Variants in ACER1 observed in about 807,000 individuals in gnomAD.
ACER1 encodes the protein CTB-180A7.3.
Under a neutral mutation model 24.9 loss-of-function variants are expected in ACER1, and 28 were observed. That is an observed-to-expected ratio of 1.13 (90% CI 0.83 to 1.54). The LOEUF is 1.54. ACER1 is among the 40% of genes most tolerant of loss of function. The probability of loss-of-function intolerance (pLI) is 0.00; values close to 1 mark genes in which losing one functional copy is unlikely to be tolerated. For missense variants in ACER1, 352 were observed against 349.3 expected (o/e 1.01, Z -0.06); for synonymous variants, 132 against 131.4 (o/e 1.00, Z -0.03).
the ACER1 span, among the ~76,000 whole-genome samples, chr19:6,340,351 GGAAGGAAGGAAGGAAGGAA>G: frequency 6.1e-4 from 72 of 117,382 alleles, no homozygotes; most frequent in African/African-American, 2.3e-3. Flanking sequence ...AAGGAAGGAA[GGAAGGAAGGAAGGAAGGAA>G]GGAAGAAAAA....
chr19:6,352,708 T>C, the ACER1 span, among the ~76,000 whole-genome samples: 1 of 152,266 alleles, frequency 6.6e-6, no homozygotes, highest in Non-Finnish European at 1.5e-5. Flanking sequence ...AAGTGGGTTC[T>C]GTGAATTTGA....
chr19:6,323,147 G>A (rs1277876637), intron 1 of ACER1, among the ~76,000 whole-genome samples: 15 of 151,638 alleles, frequency 9.9e-5, no homozygotes, highest in Non-Finnish European at 1.3e-4. Context: ...CAGGCAGGGC[G>A]CAGTGGTTCA....
chr19:6,344,834 T>TATTTTATTTTATTTTA, the ACER1 span, among the ~76,000 whole-genome samples: 1 of 94,510 alleles, frequency 1.1e-5, no homozygotes, highest in South Asian at 3.6e-4. Context: ...ACAATCAATT[T>TATTTTATTTTATTTTA]ATTTTATTTT....
chr19:6,347,039 A>T, the ACER1 span, among the ~76,000 whole-genome samples: 2 of 146,600 alleles, frequency 1.4e-5, no homozygotes, highest in Non-Finnish European at 3.0e-5. Context: ...AGGAGGGAGT[A>T]TCGCTTGAGG....
At chr19:6,312,868 G>A (rs930399676) in intron 1 of ACER1, among the ~76,000 whole-genome samples, 1 of 151,780 alleles carries the variant, frequency 6.6e-6, no homozygotes, top group South Asian at 2.1e-4. Context: ...GTAGAGACAG[G>A]GTTTCACCAT....
At chr19:6,312,667 CT>C (rs35762850) in intron 1 of ACER1, among the ~76,000 whole-genome samples, 168 bp from the exon 2 acceptor site, 24,483 of 132,356 alleles carry the variant, frequency 0.18, 2,335 homozygotes, top group East Asian at 0.25. Flanking sequence ...TCAGCCGACC[CT>C]TTTTTTTTTT....
intron 1 of ACER1, among the ~76,000 whole-genome samples, chr19:6,313,897 G>A (rs1194402524): frequency 1.3e-5 from 2 of 152,164 alleles, no homozygotes; most frequent in Admixed American, 1.3e-4. Flanking sequence ...ACCACACTGA[G>A]ATGGAGAGAG....
chr19:6,307,618 T>TAAAA (rs575533649), intron 4 of ACER1, among the ~76,000 whole-genome samples: 2 of 127,494 alleles, frequency 1.6e-5, no homozygotes, highest in Non-Finnish European at 3.4e-5. Context: ...ACCCCATCTC[T>TAAAA]AAAAAAAAAA....
At chr19:6,340,287 A>T in the ACER1 span, among the ~76,000 whole-genome samples, 1 of 130,552 alleles carries the variant, frequency 7.7e-6, no homozygotes, top group African/African-American at 3.0e-5. Flanking sequence ...CTCCAAAAAA[A>T]GAAAGAAGGA....
At chr19:6,313,762 T>A (rs1355863447) in intron 1 of ACER1, among the ~76,000 whole-genome samples, 1 of 152,074 alleles carries the variant, frequency 6.6e-6, no homozygotes, top group Non-Finnish European at 1.5e-5. Flanking sequence ...TGAGGTTAGG[T>A]CATAAAAGGA....
the ACER1 span, among the ~76,000 whole-genome samples, chr19:6,359,565 G>A: frequency 7.9e-5 from 12 of 151,630 alleles, no homozygotes; most frequent in African/African-American, 2.9e-4. Context: ...TGATCCACAT[G>A]TCTTGGGCTC....
At chr19:6,356,722 T>TAA in the ACER1 span, among the ~76,000 whole-genome samples, 5 of 141,804 alleles carry the variant, frequency 3.5e-5, no homozygotes, top group African/African-American at 1.0e-4. Context: ...ATACTGCATG[T>TAA]AAAAAAAAAA....
At chr19:6,322,832 C>A (rs546463980) in intron 1 of ACER1, among the ~76,000 whole-genome samples, 3 of 152,094 alleles carry the variant, frequency 2.0e-5, no homozygotes, top group Non-Finnish European at 2.9e-5. Context: ...GAGTTTCAGC[C>A]GGGCGTGGTG....
intron 1 of ACER1, among the ~76,000 whole-genome samples, chr19:6,314,863 A>G (rs1326602183): frequency 6.7e-6 from 1 of 149,778 alleles, no homozygotes; most frequent in Admixed American, 6.6e-5. Flanking sequence ...GTATATATAC[A>G]CAATGGAATT....
intron 1 of ACER1, among the ~76,000 whole-genome samples, chr19:6,319,840 A>G (rs1005914651): frequency 2.0e-5 from 3 of 152,116 alleles, no homozygotes; most frequent in Admixed American, 6.6e-5. Flanking sequence ...GGCCAGGCGC[A>G]GTGGCTCATG....
intron 1 of ACER1, among the ~76,000 whole-genome samples, chr19:6,321,901 T>G (rs1161719512): frequency 6.6e-6 from 1 of 152,172 alleles, no homozygotes; most frequent in Non-Finnish European, 1.5e-5. Context: ...TATGAGCCAC[T>G]GCACCCGGCC....
At chr19:6,351,237 G>A in the ACER1 span, among the ~76,000 whole-genome samples, 7 of 151,966 alleles carry the variant, frequency 4.6e-5, no homozygotes, top group Admixed American at 4.6e-4. Flanking sequence ...CTGGTGGCGG[G>A]CACCTGTTGT....
intron 1 of ACER1, among the ~76,000 whole-genome samples, chr19:6,327,126 CCAAA>C (rs143605790): frequency 1.5e-3 from 231 of 152,222 alleles, no homozygotes; most frequent in African/African-American, 5.4e-3. Context: ...CTGCATGCTC[CCAAA>C]CAGAGCAGCA....
chr19:6,333,194 G>A (rs1405062055), intron 1 of ACER1, among the ~76,000 whole-genome samples: 1 of 152,106 alleles, frequency 6.6e-6, no homozygotes, highest in African/African-American at 2.4e-5. Flanking sequence ...GCAAATGCCT[G>A]CAGTCACATC....
Sources: gnomAD v4.1 joint callset for allele counts (sites outside exome capture counted in the v4.1 genomes callset) on GRCh38, gnomAD v4.1.1 for gene constraint, MANE v1.5 for transcripts, NCBI Gene and HGNC (gene_info 2026-07-23, HGNC 2026-07-21) for gene names.